Variants in ADAM32 observed in about 807,000 individuals in gnomAD.
The protein encoded by ADAM32 is disintegrin and metalloproteinase domain-containing protein 32.
Under a neutral mutation model 114.9 loss-of-function variants are expected in ADAM32, and 89 were observed. The observed-to-expected ratio is 0.77, with a 90% CI of 0.65 to 0.92. The LOEUF is 0.92. Ranked by LOEUF, ADAM32 falls within the 40% of genes least tolerant of loss-of-function variation. The pLI is 0.00. For synonymous variants in ADAM32, 285 were observed against 307.5 expected, an observed-to-expected ratio of 0.93 and a Z score of 0.77; for missense variants, 870 against 932.8, an observed-to-expected ratio of 0.93 and a Z score of 0.88.
chr8:39,208,631 T>G (rs1026870272), intron 11 of ADAM32, among the ~76,000 whole-genome samples: 14 of 152,188 alleles, frequency 9.2e-5, no homozygotes, highest in Non-Finnish European at 7.4e-5. Context: ...TTTGAATCAC[T>G]TCTTCATTTT....
chr8:39,270,919 G>A lies in ADAM32; in HGVS notation c.2201+5G>A. On this transcript the variant is annotated splice_donor_5th_base_variant and intron_variant, in intron 20 of 24. Coordinates refer to ENST00000379907, the MANE Select transcript of ADAM32 (RefSeq NM_145004.7). ...CACACAGACATATGCCAGCCAGTAAGTAGTTTAGAAGGTGTTTTTAAGATA... is the reference window on the plus strand; with the variant it reads ...CACACAGACATATGCCAGCCAGTAAATAGTTTAGAAGGTGTTTTTAAGATA... 1.2e-6 allele frequency: 2 copies of A among 1,607,274 alleles called. No individual in the cohort carries two copies. Among genetic ancestry groups the A allele is most frequent in the Non-Finnish European group, 1.7e-6 (2 of 1,175,974 alleles).
chr8:39,133,533 G>A (rs551465910), intron 2 of ADAM32, among the ~76,000 whole-genome samples: 2 of 152,282 alleles, frequency 1.3e-5, no homozygotes, highest in East Asian at 3.9e-4. Flanking sequence ...TTGGGCCCTG[G>A]GCAGTGTGTG....
At chr8:39,179,233 A>C (rs1222552940) in intron 10 of ADAM32, among the ~76,000 whole-genome samples, 1 of 152,170 alleles carries the variant, frequency 6.6e-6, no homozygotes, top group Non-Finnish European at 1.5e-5. Context: ...CTCCAGAGAC[A>C]GCAGGCTAGA....
chr8:39,201,405 C>G (rs1233690562), intron 11 of ADAM32, among the ~76,000 whole-genome samples: 5 of 151,636 alleles, frequency 3.3e-5, no homozygotes, highest in Non-Finnish European at 7.4e-5. Flanking sequence ...AATGGGAGTT[C>G]ACTCATGATT....
Position 39,236,962 on chromosome 8 carries a change from A to G in ADAM32, c.1818+2880A>G, listed in dbSNP as rs1398676053. Among the ~76,000 whole-genome samples, 4 of 152,154 alleles carry G rather than the reference A, an allele frequency of 2.6e-5. No individual in the cohort carries two copies. The East Asian group carries it at 7.7e-4, about 29-fold the overall frequency. Reference sequence around the variant, plus strand: ...AGGAACATAACAGGAAAACTTAAAGAATTCACAGACCCTTCAAAAGAAGCA... The same window carrying G: ...AGGAACATAACAGGAAAACTTAAAGGATTCACAGACCCTTCAAAAGAAGCA... On this transcript the variant is annotated intron_variant, in intron 16 of 24. Coordinates refer to ENST00000379907, the MANE Select transcript of ADAM32 (RefSeq NM_145004.7).
chr8:39,242,412 A>G (rs760077357), intron 16 of ADAM32, among the ~76,000 whole-genome samples: 8 of 152,332 alleles, frequency 5.3e-5, no homozygotes, highest in Non-Finnish European at 1.0e-4. Flanking sequence ...TGATAAAGAC[A>G]TACCTGAGAC....
chr8:39,169,965 T>C lies in ADAM32; in HGVS notation c.883T>C (p.Cys295Arg). Reference protein sequence around the residue: ...YLGAVFPGTMCITRYSAGVAL... With the variant: ...YLGAVFPGTMRITRYSAGVAL... ...GGGAGCAGTGTTTCCTGGAACAATG[T>C]GTATTACTCGTTATTCTGCAGGAGT... The change falls in exon 10 of 25, where the codon TGT becomes CGT. Residue 295 changes from cysteine (C) to arginine (R), a missense_variant. Coordinates refer to ENST00000379907, the MANE Select transcript of ADAM32 (RefSeq NM_145004.7). 6.2e-7 allele frequency: 1 copy of C among 1,601,114 alleles called. No homozygotes were observed. Among genetic ancestry groups the C allele is most frequent in the East Asian group, 2.2e-5 (1 of 44,576 alleles).
At chr8:39,284,139 T>TA (rs2129451909) in intron 24 of ADAM32, among the ~76,000 whole-genome samples, 1 of 152,162 alleles carries the variant, frequency 6.6e-6, no homozygotes, top group South Asian at 2.1e-4. Flanking sequence ...TTAAATAACT[T>TA]AGTCTGTTTT....
At chr8:39,131,615 G>A (rs1802461014) in intron 2 of ADAM32, among the ~76,000 whole-genome samples, 1 of 152,096 alleles carries the variant, frequency 6.6e-6, no homozygotes, top group Non-Finnish European at 1.5e-5. Flanking sequence ...TTTCAGTTCT[G>A]TCAGTTGTTC....
chr8:39,107,685 G>C, upstream of ADAM32: 1 of 1,541,518 alleles, frequency 6.5e-7, no homozygotes, highest in Non-Finnish European at 8.7e-7. Context: ...ATGAACGTGC[G>C]GGGAGCGGCC....
chr8:39,219,223 G>A (rs1443393298), intron 12 of ADAM32, among the ~76,000 whole-genome samples: 1 of 152,082 alleles, frequency 6.6e-6, no homozygotes, highest in African/African-American at 2.4e-5. Context: ...GCCTGAGGCT[G>A]GGGGAAGGAT....
At chr8:39,185,393 T>G (rs1806170970) in intron 10 of ADAM32, among the ~76,000 whole-genome samples, 1 of 151,816 alleles carries the variant, frequency 6.6e-6, no homozygotes. Flanking sequence ...CAGAGATTTT[T>G]GACGATATTG....
intron 12 of ADAM32, among the ~76,000 whole-genome samples, chr8:39,218,473 T>A (rs1379568275): frequency 6.6e-6 from 1 of 152,174 alleles, no homozygotes; most frequent in Non-Finnish European, 1.5e-5. Flanking sequence ...TCACAGCCCC[T>A]GGGCAGGTGC....
At chr8:39,183,140 C>T (rs1214819177) in intron 10 of ADAM32, among the ~76,000 whole-genome samples, 3 of 152,196 alleles carry the variant, frequency 2.0e-5, no homozygotes, top group Non-Finnish European at 1.5e-5. Context: ...GAATCTGTAT[C>T]GTGTTTCCTG....
At chr8:39,209,582 C>T (rs1564606450) in intron 11 of ADAM32, among the ~76,000 whole-genome samples, 1 of 152,180 alleles carries the variant, frequency 6.6e-6, no homozygotes. Flanking sequence ...CTCATCTTTA[C>T]AGTCTGGCCT....
intron 3 of ADAM32, among the ~76,000 whole-genome samples, chr8:39,146,395 A>G (rs1803505385): frequency 1.3e-5 from 2 of 150,538 alleles, no homozygotes; most frequent in East Asian, 3.9e-4. Flanking sequence ...TCCAACATCC[A>G]GTTTATGTCT....
At chr8:39,228,295 A>T (rs1809524034) in intron 14 of ADAM32, among the ~76,000 whole-genome samples, 2 of 152,112 alleles carry the variant, frequency 1.3e-5, no homozygotes, top group African/African-American at 4.8e-5. Flanking sequence ...CCAAAATCAC[A>T]CTAGTTCACG....
intron 16 of ADAM32, among the ~76,000 whole-genome samples, chr8:39,234,841 A>G: frequency 6.6e-6 from 1 of 152,226 alleles, no homozygotes. Flanking sequence ...AGCCAGAGAT[A>G]AGAACTTAAA....
intron 2 of ADAM32, among the ~76,000 whole-genome samples, chr8:39,129,044 A>G (rs543502636): frequency 8.6e-5 from 13 of 151,730 alleles, no homozygotes; most frequent in African/African-American, 3.1e-4. Context: ...ATGGAAATAC[A>G]CATACACATT....
Sources: allele counts gnomAD v4.1 joint callset (sites outside exome capture counted in the v4.1 genomes callset), GRCh38; gene constraint gnomAD v4.1.1; transcripts MANE v1.5; gene names NCBI Gene and HGNC (gene_info 2026-07-23, HGNC 2026-07-21).